SLC38A12: variants seen among roughly 807,000 people sequenced by gnomAD.
SLC38A12 encodes the protein solute carrier family 38 member 12.
chr17:74,809,537 C>CT, the SLC38A12 span, among the ~76,000 whole-genome samples: 1 of 152,360 alleles, frequency 6.6e-6, no homozygotes, highest in Non-Finnish European at 1.5e-5. Context: ...TGCGTCACAG[C>CT]TGCCATGGGA....
the SLC38A12 span, chr17:74,838,337 G>C: frequency 3.3e-5 from 33 of 990,530 alleles, no homozygotes; most frequent in Non-Finnish European, 4.0e-5. Flanking sequence ...GGCCTGCAGT[G>C]GTCAGGCCAA....
At chr17:74,787,980 C>T in the SLC38A12 span, among the ~76,000 whole-genome samples, 2 of 151,912 alleles carry the variant, frequency 1.3e-5, no homozygotes, top group Admixed American at 6.6e-5. Flanking sequence ...ATTTTTAGTA[C>T]AGACGAAGTT....
the SLC38A12 span, among the ~76,000 whole-genome samples, chr17:74,826,962 T>TCC: frequency 6.6e-6 from 1 of 152,056 alleles, no homozygotes; most frequent in African/African-American, 2.4e-5. Context: ...CTTGCCCTCC[T>TCC]CCCCATCCCT....
At chr17:74,809,310 T>C in the SLC38A12 span, among the ~76,000 whole-genome samples, 758 of 152,164 alleles carry the variant, frequency 5.0e-3, 6 homozygotes, top group African/African-American at 0.017. Context: ...CAGCCAGTGT[T>C]TGGGGAGTAA....
the SLC38A12 span, among the ~76,000 whole-genome samples, chr17:74,780,161 G>A: frequency 6.6e-6 from 1 of 152,258 alleles, no homozygotes; most frequent in Non-Finnish European, 1.5e-5. Flanking sequence ...TGCTTTCGAA[G>A]GAGAGAGGCT....
At chr17:74,795,477 C>G in the SLC38A12 span, 1 of 1,564,256 alleles carries the variant, frequency 6.4e-7, no homozygotes, top group Admixed American at 1.7e-5. Flanking sequence ...CCCAGCCCAG[C>G]CAGGCGGCCT....
chr17:74,834,291 A>G, the SLC38A12 span, among the ~76,000 whole-genome samples: 1 of 151,840 alleles, frequency 6.6e-6, no homozygotes, highest in African/African-American at 2.4e-5. Flanking sequence ...CAGGGTTGGG[A>G]CGATTTGTGA....
At chr17:74,832,620 C>G in the SLC38A12 span, among the ~76,000 whole-genome samples, 7 of 152,252 alleles carry the variant, frequency 4.6e-5, no homozygotes, top group Non-Finnish European at 1.0e-4. Context: ...TGGGTGCACA[C>G]TCGGTCTGCT....
chr17:74,785,455 C>T, the SLC38A12 span: 6 of 1,603,112 alleles, frequency 3.7e-6, no homozygotes, highest in South Asian at 5.5e-5. Flanking sequence ...AAGTTCCGGG[C>T]TTGAATGTTG....
the SLC38A12 span, chr17:74,836,391 G>C: frequency 6.2e-7 from 1 of 1,611,820 alleles, no homozygotes; most frequent in Non-Finnish European, 8.5e-7. This position sits in a 1 kb window ranked among gnomAD's most constrained non-coding sequence, Gnocchi z 4.2. Flanking sequence ...GGACCGCGTC[G>C]TGTTTCCCAC....
the SLC38A12 span, among the ~76,000 whole-genome samples, chr17:74,803,411 C>G: frequency 1.9e-3 from 284 of 152,200 alleles, 1 homozygote; most frequent in African/African-American, 6.6e-3. Context: ...GGGAGAGCTC[C>G]GCGGAGCTTG....
the SLC38A12 span, among the ~76,000 whole-genome samples, chr17:74,814,543 C>G: frequency 1.3e-5 from 2 of 152,230 alleles, no homozygotes; most frequent in Non-Finnish European, 2.9e-5. Context: ...CATGTCAATT[C>G]CTCAGCTGCG....
At chr17:74,834,158 C>T in the SLC38A12 span, among the ~76,000 whole-genome samples, 4 of 152,300 alleles carry the variant, frequency 2.6e-5, no homozygotes, top group South Asian at 6.2e-4. Flanking sequence ...AAGCAGATTG[C>T]TCAGGGTCCT....
chr17:74,809,600 C>G, the SLC38A12 span, among the ~76,000 whole-genome samples: 6 of 152,186 alleles, frequency 3.9e-5, no homozygotes, highest in African/African-American at 7.2e-5. Flanking sequence ...GAAGCTCTCA[C>G]GCAGCCCCTT....
At chr17:74,813,392 G>A in the SLC38A12 span, among the ~76,000 whole-genome samples, 1 of 152,230 alleles carries the variant, frequency 6.6e-6, no homozygotes, top group Admixed American at 6.5e-5. Context: ...GTTTTGGCGT[G>A]GAGTTGCACA....
chr17:74,800,282 T>G, the SLC38A12 span, among the ~76,000 whole-genome samples: 3 of 152,228 alleles, frequency 2.0e-5, no homozygotes, highest in African/African-American at 4.8e-5. Flanking sequence ...GCTGAGCATG[T>G]TCCCTGGTGA....
the SLC38A12 span, among the ~76,000 whole-genome samples, chr17:74,812,823 C>T: frequency 6.6e-6 from 1 of 152,184 alleles, no homozygotes; most frequent in Non-Finnish European, 1.5e-5. Flanking sequence ...GAGAAATCCC[C>T]ATCAGCCCCC....
chr17:74,786,930 AG>A, the SLC38A12 span, among the ~76,000 whole-genome samples: 1 of 152,132 alleles, frequency 6.6e-6, no homozygotes, highest in Admixed American at 6.5e-5. Context: ...GCTCCCAGGC[AG>A]GGGGTACCAC....
At chr17:74,778,947 C>A in the SLC38A12 span, among the ~76,000 whole-genome samples, 1 of 152,124 alleles carries the variant, frequency 6.6e-6, no homozygotes, top group African/African-American at 2.4e-5. Flanking sequence ...GGATTACAGC[C>A]GTGAGCCACT....
Sources: allele counts gnomAD v4.1 joint callset (sites outside exome capture counted in the v4.1 genomes callset), GRCh38; gene constraint gnomAD v4.1.1; non-coding constraint Gnocchi (gnomAD v3.1); transcripts MANE v1.5; gene names NCBI Gene and HGNC (gene_info 2026-07-23, HGNC 2026-07-21).